The following NAALADL1 variants were observed in gnomAD, a reference collection of about 807,000 sequenced individuals.
The protein encoded by NAALADL1 is aminopeptidase NAALADL1.
Under a neutral mutation model 82.8 loss-of-function variants are expected in NAALADL1, and 77 were observed. That is an observed-to-expected ratio of 0.93 (90% confidence interval 0.77 to 1.12). The LOEUF is 1.12. Ranked by LOEUF, NAALADL1 falls within the 50% of genes most tolerant of loss-of-function variation. The probability of loss-of-function intolerance (pLI) is 0.00; values close to 1 mark genes in which losing one functional copy is unlikely to be tolerated. For missense variants in NAALADL1, 956 were observed against 964.0 expected (o/e 0.99, Z 0.11); for synonymous variants, 358 against 399.2 (o/e 0.90, Z 1.23).
At position 65,056,945 on chromosome 11, in the gene NAALADL1, G is replaced by C. The variant is rs954185964; in HGVS notation, c.603+426C>G. Among the ~76,000 whole-genome samples, 8 of 152,320 alleles carry C rather than the reference G, an allele frequency of 5.3e-5. No homozygotes were observed. The East Asian group carries it at 1.5e-3, about 29-fold the overall frequency. On this transcript the variant is annotated intron_variant, in intron 4 of 17. Coordinates refer to ENST00000358658, the MANE Select transcript of NAALADL1 (RefSeq NM_005468.3). The stretch of plus-strand genomic sequence containing the variant: ...TTGGCCAGGCTGGCCTTGATCTCCT[G>C]ACCTCAGGTGATCTGCCCACTTCGG...
chr11:65,058,067 C>A lies in NAALADL1; in HGVS notation c.358+11G>T, dbSNP rs1203899777. ...ACCCCCGGGCATTCCCAAGACTGGG[C>A]AGGACCTCACCGATGTCCACGACGT... On this transcript the variant is annotated intron_variant, in intron 2 of 17. Transcript: ENST00000358658. 1.2e-6 allele frequency: 2 copies of A among 1,611,004 alleles called. No homozygotes were observed. The highest frequency in any genetic ancestry group is 1.7e-5 in the Admixed American group (1 of 59,912).
chr11:65,045,477 A>G lies in NAALADL1; in HGVS notation c.2037-20T>C, dbSNP rs1946697762. ...ACATGGCTGACAAGAGAAATGGGACAGGATCAGGGTCAGTCAGTCAGGGGC... is the reference window on the plus strand; with the variant it reads ...ACATGGCTGACAAGAGAAATGGGACGGGATCAGGGTCAGTCAGTCAGGGGC... On this transcript the variant is annotated intron_variant, in intron 17 of 17. Coordinates refer to ENST00000358658, the MANE Select transcript of NAALADL1 (RefSeq NM_005468.3). The G allele has an allele frequency of 6.3e-7, 1 of 1,586,902 alleles. No homozygotes were observed. Among genetic ancestry groups the G allele is most frequent in the East Asian group, 2.3e-5 (1 of 44,416 alleles).
chr11:65,054,172 A>G lies in NAALADL1; in HGVS notation c.992+78T>C. The G allele has an allele frequency of 2.4e-6, 3 of 1,251,588 alleles. No individual in the cohort carries two copies. In the East Asian group the frequency reaches 7.0e-5, roughly 29 times the overall value. The allele number at this position is 1,251,588 out of a possible 1,614,324, so 77.5% of individuals were successfully genotyped here. A position where few individuals can be genotyped will look rare whatever the true frequency, so the allele number is the denominator to read the frequency against. Reference sequence around the variant, plus strand: ...GTCAGGCTTTGAAGTGGAAAGAGGGAACATCATCACAAGGGAAGGGGAGAG... The same window carrying G: ...GTCAGGCTTTGAAGTGGAAAGAGGGGACATCATCACAAGGGAAGGGGAGAG... On this transcript the variant is annotated intron_variant, in intron 6 of 17. Coordinates refer to ENST00000358658, the MANE Select transcript of NAALADL1 (RefSeq NM_005468.3). The surrounding 1 kb of genome is among the most constrained non-coding windows in gnomAD (Gnocchi z 4.3).
At chr11:65,045,632 G>C in intron 17 of NAALADL1, 175 bp from the exon 18 acceptor site, 1 of 881,702 alleles carries the variant, frequency 1.1e-6, no homozygotes, top group Non-Finnish European at 1.7e-6. Flanking sequence ...GAGGAAATGT[G>C]GGTTCCAGTC....
At chr11:65,056,609 G>T (rs1442033972) in intron 4 of NAALADL1, among the ~76,000 whole-genome samples, 1 of 151,462 alleles carries the variant, frequency 6.6e-6, no homozygotes, top group African/African-American at 2.4e-5. Flanking sequence ...GTTTCACCGT[G>T]TTGCCCAGGC....
intron 8 of NAALADL1, among the ~76,000 whole-genome samples, chr11:65,052,406 C>G (rs1946913496): frequency 6.6e-6 from 1 of 152,110 alleles, no homozygotes; most frequent in Non-Finnish European, 1.5e-5. Flanking sequence ...CTCTGCCTCC[C>G]AGGTTCAAAT....
rs1278313669 is a variant in NAALADL1 at position 65,047,719 on chromosome 11, C to A, written c.1436G>T (p.Gly479Val). ...CCAGTTGTCGTAGATGCTCAGGTCG[C>A]CAGGGCCTGGTGAGCGGATCTGGCC... ...ATKEIRSPGP[G>V]DLSIYDNWIR... The change falls in exon 12 of 18, where the codon GGC becomes GTC. Residue 479 changes from glycine (G) to valine (V), a missense_variant. Transcript: ENST00000358658. 3 of 1,605,372 alleles carry A rather than the reference C, an allele frequency of 1.9e-6. No individual in the cohort carries two copies. In the Admixed American group the frequency reaches 5.1e-5, roughly 28 times the overall value.
At position 65,044,992 on chromosome 11, in the gene NAALADL1, C is replaced by A; in HGVS notation, c.*279G>T. 1.6e-6 allele frequency: 1 copy of A among 608,934 alleles called. No homozygotes were observed. Among genetic ancestry groups the A allele is most frequent in the Non-Finnish European group, 2.9e-6 (1 of 350,548 alleles). The allele number at this position is 608,934 out of a possible 1,614,324, so 37.7% of individuals were successfully genotyped here. ...CCTGAGTTGGCATCTGAGGTTGGCACGCATCCCATCTCCACCCACCTGCCA... is the reference window on the plus strand; with the variant it reads ...CCTGAGTTGGCATCTGAGGTTGGCAAGCATCCCATCTCCACCCACCTGCCA... On this transcript the variant is annotated 3_prime_UTR_variant, in exon 18 of 18. Transcript: ENST00000358658. This position sits in a 1 kb window ranked among gnomAD's most constrained non-coding sequence, Gnocchi z 4.0.
chr11:65,045,795 C>T (rs764249725), intron 17 of NAALADL1, 27 bp downstream of exon 17: 3 of 1,605,032 alleles, frequency 1.9e-6, no homozygotes, highest in South Asian at 2.2e-5. Context: ...CCTGGAGGCA[C>T]CTCCCAGGAC....
intron 8 of NAALADL1, among the ~76,000 whole-genome samples, chr11:65,052,392 C>T (rs112310647): frequency 0.018 from 2,739 of 152,174 alleles, 32 homozygotes; most frequent in Non-Finnish European, 0.026. Flanking sequence ...CAGCTCACTG[C>T]AACCTCTGCC....
intron 8 of NAALADL1, 121 bp from the exon 9 acceptor site, chr11:65,048,506 T>A (rs968086509): frequency 2.5e-5 from 27 of 1,077,300 alleles, no homozygotes; most frequent in Non-Finnish European, 3.4e-5. Context: ...GGTGACAGGA[T>A]GTCCTGGCAC....
At chr11:65,049,311 G>A (rs116610651) in intron 8 of NAALADL1, among the ~76,000 whole-genome samples, 4,176 of 152,170 alleles carry the variant, frequency 0.027, 84 homozygotes, top group African/African-American at 0.05. Context: ...GTGAGCCACC[G>A]CAACCAGCAA....
At chr11:65,058,284 C>A in intron 1 of NAALADL1, 34 bp from the exon 2 acceptor site, 1 of 1,613,722 alleles carries the variant, frequency 6.2e-7, no homozygotes, top group Middle Eastern at 1.7e-4. Context: ...GCAGGGCCAG[C>A]ATCAGGGAGG....
chr11:65,052,202 G>A (rs1946907611), intron 8 of NAALADL1, among the ~76,000 whole-genome samples: 1 of 152,084 alleles, frequency 6.6e-6, no homozygotes, highest in Non-Finnish European at 1.5e-5. Flanking sequence ...CCCGGGCCCA[G>A]CAGCCTGTCC....
chr11:65,053,400 C>T lies in NAALADL1; in HGVS notation c.1079-63G>A, dbSNP rs1380290715. ...GGAGAGGTGGGCAGGGGGAGCTGGGCTGGGTGGTGGCAAGGGCAGGGCTGG... is the reference window on the plus strand; with the variant it reads ...GGAGAGGTGGGCAGGGGGAGCTGGGTTGGGTGGTGGCAAGGGCAGGGCTGG... On this transcript the variant is annotated intron_variant, in intron 7 of 17. Transcript: ENST00000358658. The surrounding 1 kb of genome is among the most constrained non-coding windows in gnomAD (Gnocchi z 4.3). 1.2e-6 allele frequency: 2 copies of T among 1,612,234 alleles called. No individual in the cohort carries two copies. Among genetic ancestry groups the T allele is most frequent in the Non-Finnish European group, 1.7e-6 (2 of 1,179,248 alleles).
chr11:65,054,437 C>A lies in NAALADL1; in HGVS notation c.887+18G>T. 4 of 1,613,602 alleles carry A rather than the reference C, an allele frequency of 2.5e-6. No homozygotes were observed. The highest frequency in any genetic ancestry group is 3.4e-6 in the Non-Finnish European group (4 of 1,179,698). On this transcript the variant is annotated intron_variant, in intron 5 of 17. Coordinates refer to ENST00000358658, the MANE Select transcript of NAALADL1 (RefSeq NM_005468.3). This position sits in a 1 kb window ranked among gnomAD's most constrained non-coding sequence, Gnocchi z 4.3. ...AGGCCACTGGGGCTGGGCAGGACACCCCAGGGCACAAACTCACCAGAGCAG... is the reference window on the plus strand; with the variant it reads ...AGGCCACTGGGGCTGGGCAGGACACACCAGGGCACAAACTCACCAGAGCAG...
At chr11:65,059,983 T>TG (rs979537430), upstream of NAALADL1, among the ~76,000 whole-genome samples, 9 of 152,086 alleles carry the variant, frequency 5.9e-5, no homozygotes, top group Admixed American at 2.0e-4. Flanking sequence ...CAGGAGGGGC[T>TG]GGGGGGGTCC....
chr11:65,055,884 C>G (rs1947025435), intron 4 of NAALADL1, among the ~76,000 whole-genome samples: 1 of 149,424 alleles, frequency 6.7e-6, no homozygotes, highest in African/African-American at 2.5e-5. Context: ...ATTATGGACA[C>G]CTTTTTTTTT....
At chr11:65,058,644 G>T, upstream of NAALADL1, 1 of 896,412 alleles carries the variant, frequency 1.1e-6, no homozygotes, top group Non-Finnish European at 1.6e-6. Context: ...CAGCTGGCAG[G>T]GAGAGTGAGG....
Sources: allele counts gnomAD v4.1 joint callset (sites outside exome capture counted in the v4.1 genomes callset), GRCh38; gene constraint gnomAD v4.1.1; non-coding constraint Gnocchi (gnomAD v3.1); transcripts MANE v1.5; gene names NCBI Gene and HGNC (gene_info 2026-07-23, HGNC 2026-07-21).